The following ERC1 variants were observed in gnomAD, a reference collection of about 807,000 sequenced individuals.
ERC1 encodes ELKS/RAB6-interacting/CAST family member 1, also known as RAB6 interacting protein 2.
Under a neutral mutation model 132.0 loss-of-function variants are expected in ERC1, and 56 were observed. The ratio of observed to expected loss-of-function variants is 0.42; its 90% CI spans 0.34 to 0.53. ERC1 has a LOEUF of 0.53. Ranked by LOEUF, ERC1 falls within the 20% of genes least tolerant of loss-of-function variation. The pLI, the probability that ERC1 is intolerant of heterozygous loss-of-function variation, is 0.03. For missense variants in ERC1, 1,202 were observed against 1,349.9 expected (o/e 0.89, Z 1.72); for synonymous variants, 478 against 476.1 (o/e 1.00, Z -0.05).
intron 14 of ERC1, among the ~76,000 whole-genome samples, chr12:1,264,691 A>G (rs113783647): frequency 0.036 from 5,436 of 152,192 alleles, 101 homozygotes; most frequent in Middle Eastern, 0.092. Flanking sequence ...TTTCAAATCT[A>G]TCTGACACAG....
At chr12:1,121,665 A>G (rs61914262) in intron 7 of ERC1, among the ~76,000 whole-genome samples, 43,589 of 58,468 alleles carry the variant, frequency 0.75, 17,428 homozygotes, top group East Asian at 0.97. Flanking sequence ...CTCTATCTCT[A>G]TCTCTATCTC....
At chr12:1,297,728 A>C (rs989594609) in intron 15 of ERC1, among the ~76,000 whole-genome samples, 26 of 151,686 alleles carry the variant, frequency 1.7e-4, no homozygotes, top group Non-Finnish European at 7.4e-5. Flanking sequence ...AAAAAAAAAA[A>C]ACACAGACAT....
chr12:1,383,641 CAAAA>C (rs1311241054), intron 16 of ERC1, among the ~76,000 whole-genome samples: 2 of 151,764 alleles, frequency 1.3e-5, no homozygotes, highest in East Asian at 3.9e-4. Context: ...CACACACACA[CAAAA>C]AAAGCGAATG....
chr12:1,333,552 C>T (rs1225729158), intron 15 of ERC1, among the ~76,000 whole-genome samples: 1 of 151,914 alleles, frequency 6.6e-6, no homozygotes, highest in African/African-American at 2.4e-5. Context: ...ACGGTGGTCT[C>T]GATCTCCTGA....
intron 5 of ERC1, among the ~76,000 whole-genome samples, chr12:1,111,900 C>A (rs893795258): frequency 2.0e-5 from 3 of 152,146 alleles, no homozygotes; most frequent in African/African-American, 7.2e-5. Flanking sequence ...GTGTGAGCTG[C>A]TGCGCCTGGC....
At chr12:1,197,494 C>T (rs972377951) in intron 12 of ERC1, among the ~76,000 whole-genome samples, 1 of 152,158 alleles carries the variant, frequency 6.6e-6, no homozygotes. Context: ...GAGGATCTTA[C>T]TGAGGCCAGA....
At chr12:1,326,510 C>T (rs73036644) in intron 15 of ERC1, among the ~76,000 whole-genome samples, 5,268 of 152,250 alleles carry the variant, frequency 0.035, 98 homozygotes, top group Middle Eastern at 0.075. Context: ...CATTTTCCAG[C>T]TATACCTTGT....
chr12:1,099,256 G>A (rs1944394021), intron 3 of ERC1, among the ~76,000 whole-genome samples: 1 of 152,138 alleles, frequency 6.6e-6, no homozygotes, highest in African/African-American at 2.4e-5. Context: ...AGAGATAGCA[G>A]GTGTGGACCA....
At position 1,024,394 on chromosome 12, in the gene ERC1, C is replaced by T. The variant is rs1174246287; in HGVS notation, c.-156-3354C>T. On this transcript the variant is annotated intron_variant, in intron 1 of 18. Coordinates refer to ENST00000360905, the MANE Select transcript of ERC1 (RefSeq NM_178040.4). ...GACCTTGTCTCAACAAACAAAAACACAAAACATCTCCCGCCTCTCCACCCC... is the reference window on the plus strand; with the variant it reads ...GACCTTGTCTCAACAAACAAAAACATAAAACATCTCCCGCCTCTCCACCCC... Among the ~76,000 whole-genome samples, 4 of 151,960 alleles carry T rather than the reference C, an allele frequency of 2.6e-5. No homozygotes were observed. In the East Asian group the frequency reaches 5.8e-4, roughly 22 times the overall value.
chr12:1,456,484 G>A (rs1326003387), intron 18 of ERC1, among the ~76,000 whole-genome samples: 1 of 152,064 alleles, frequency 6.6e-6, no homozygotes, highest in Non-Finnish European at 1.5e-5. Flanking sequence ...TCCAGCAGCT[G>A]AGTAAACTTG....
chr12:1,412,348 A>C (rs1233547238), intron 17 of ERC1, among the ~76,000 whole-genome samples: 1 of 152,222 alleles, frequency 6.6e-6, no homozygotes, highest in Non-Finnish European at 1.5e-5. Flanking sequence ...CATACTGATC[A>C]AGTGTGAGCC....
At chr12:1,121,244 G>C (rs772271803) in intron 7 of ERC1, among the ~76,000 whole-genome samples, 1 of 152,196 alleles carries the variant, frequency 6.6e-6, no homozygotes, top group African/African-American at 2.4e-5. Context: ...TGATCATAAC[G>C]CTGCAATTCC....
At chr12:1,194,706 G>GT in intron 12 of ERC1, among the ~76,000 whole-genome samples, 1 of 152,146 alleles carries the variant, frequency 6.6e-6, no homozygotes, top group Non-Finnish European at 1.5e-5. Context: ...TTTTACTCTA[G>GT]TATGAGATTG....
intron 18 of ERC1, among the ~76,000 whole-genome samples, chr12:1,456,075 A>C (rs573813213): frequency 3.3e-5 from 5 of 152,342 alleles, no homozygotes; most frequent in African/African-American, 9.6e-5. Flanking sequence ...TTCATTCACC[A>C]CTGTGCTGTG....
At chr12:1,296,771 G>A (rs1217226626) in intron 15 of ERC1, among the ~76,000 whole-genome samples, 1 of 152,142 alleles carries the variant, frequency 6.6e-6, no homozygotes, top group Non-Finnish European at 1.5e-5. Flanking sequence ...TAGATCAATT[G>A]AAATTATTCA....
rs1592999189 is a variant in ERC1 at position 1,057,406 on chromosome 12, A to G, written c.670-25758A>G. ...CCTGGAAAGCGCTGGGCTTACAGGC[A>G]TGAGCCACTGCGCCCAGCCTGTATA... On this transcript the variant is annotated intron_variant, in intron 2 of 18. Coordinates refer to ENST00000360905, the MANE Select transcript of ERC1 (RefSeq NM_178040.4). 2.0e-5 allele frequency among the ~76,000 whole-genome samples: 3 copies of G among 152,272 alleles called. No individual in the cohort carries two copies. The South Asian group carries it at 6.2e-4, about 32-fold the overall frequency.
chr12:1,159,774 A>G (rs1593824371), intron 8 of ERC1, among the ~76,000 whole-genome samples: 1 of 152,194 alleles, frequency 6.6e-6, no homozygotes, highest in African/African-American at 2.4e-5. Context: ...TCTAATTGCA[A>G]GAGAGATGAT....
In ERC1 at chr12:1,465,337, T is replaced by G. The variant is rs543311745; in HGVS notation, c.3213+20587T>G. 3.3e-5 allele frequency among the ~76,000 whole-genome samples: 5 copies of G among 152,290 alleles called. No homozygotes were observed. The South Asian group carries it at 6.2e-4, about 19-fold the overall frequency. ...TGAAATAAATTGCCCACAGTTTTCT[T>G]CCAAACTTTTAAATTGTTTACAAAA... On this transcript the variant is annotated intron_variant, in intron 18 of 18. Coordinates refer to ENST00000360905, the MANE Select transcript of ERC1 (RefSeq NM_178040.4).
intron 15 of ERC1, among the ~76,000 whole-genome samples, chr12:1,294,164 T>C (rs1303922293): frequency 6.6e-6 from 1 of 152,324 alleles, no homozygotes; most frequent in Admixed American, 6.5e-5. Flanking sequence ...TATTCAGTGC[T>C]TTTATACGGC....
Sources: gnomAD v4.1 joint callset for allele counts (sites outside exome capture counted in the v4.1 genomes callset) on GRCh38, gnomAD v4.1.1 for gene constraint, MANE v1.5 for transcripts, NCBI Gene and HGNC (gene_info 2026-07-23, HGNC 2026-07-21) for gene names.